The following SEC13 variants were observed in gnomAD, a reference collection of about 807,000 sequenced individuals.
SEC13 encodes SEC13 homolog, nuclear pore and COPII component, also known as protein SEC13 homolog.
A neutral mutation model predicts 49.2 loss-of-function variants in SEC13; 25 were observed. The observed-to-expected ratio is 0.51, with a 90% CI of 0.37 to 0.71. The LOEUF is 0.71. Among genes scored for constraint, SEC13 ranks in the 30% least tolerant of loss-of-function variants. The pLI is 0.00. For synonymous variants in SEC13, 148 were observed against 163.9 expected (o/e 0.90, Z 0.74); for missense variants, 383 against 417.6 (o/e 0.92, Z 0.72).
chr3:10,304,231 G>A, intron 7 of SEC13, 59 bp from the exon 8 acceptor site: 1 of 1,581,650 alleles, frequency 6.3e-7, no homozygotes, highest in Non-Finnish European at 8.7e-7. Flanking sequence ...TTTGTGATGT[G>A]ATGTCCTCCC....
intron 5 of SEC13, among the ~76,000 whole-genome samples, chr3:10,306,747 G>A (rs546532354): frequency 2.0e-5 from 3 of 152,288 alleles, no homozygotes; most frequent in South Asian, 4.1e-4. Flanking sequence ...TAGATCTGAC[G>A]ATTTTAAAAA....
chr3:10,307,630 C>G (rs1414347696), intron 5 of SEC13, among the ~76,000 whole-genome samples: 2 of 152,170 alleles, frequency 1.3e-5, no homozygotes, highest in Non-Finnish European at 2.9e-5. Flanking sequence ...TCTTGTGAGA[C>G]TTATTCACTA....
At chr3:10,302,653 A>G (rs956854676) in intron 8 of SEC13, among the ~76,000 whole-genome samples, 2 of 152,150 alleles carry the variant, frequency 1.3e-5, no homozygotes, top group Non-Finnish European at 2.9e-5. Flanking sequence ...GGGGCCTGCT[A>G]GATCTTTCTG....
chr3:10,313,291 G>T, intron 3 of SEC13: 1 of 363,388 alleles, frequency 2.8e-6, no homozygotes. Context: ...GGCTTTGTAC[G>T]GTGACCATTT....
intron 3 of SEC13, among the ~76,000 whole-genome samples, chr3:10,314,724 G>C (rs1701495207): frequency 6.6e-6 from 1 of 152,220 alleles, no homozygotes; most frequent in Non-Finnish European, 1.5e-5. Flanking sequence ...ACTTCCTCAA[G>C]AATCTCAGTA....
chr3:10,309,216 G>C lies in SEC13; in HGVS notation c.450+2749C>G, dbSNP rs190933522. On this transcript the variant is annotated intron_variant, in intron 5 of 8. Transcript: ENST00000350697. Reference sequence around the variant, plus strand: ...GCATCCCAAAGTGCTGGGATTACAGGCTGAGCCACTGCGCCCGGCTGATAT... The same window carrying C: ...GCATCCCAAAGTGCTGGGATTACAGCCTGAGCCACTGCGCCCGGCTGATAT... 1.4e-4 allele frequency among the ~76,000 whole-genome samples: 21 copies of C among 152,208 alleles called. No individual in the cohort carries two copies. The East Asian group carries it at 3.9e-3, about 28-fold the overall frequency.
At chr3:10,314,767 T>C (rs1042486388) in intron 3 of SEC13, among the ~76,000 whole-genome samples, 1 of 152,200 alleles carries the variant, frequency 6.6e-6, no homozygotes, top group African/African-American at 2.4e-5. Context: ...TTGTAAATAA[T>C]CACTGAACAC....
intron 5 of SEC13, among the ~76,000 whole-genome samples, chr3:10,307,211 CCT>C (rs1491438393): frequency 2.4e-5 from 2 of 82,504 alleles, no homozygotes; most frequent in African/African-American, 1.0e-4. Context: ...TGAGCCACTG[CCT>C]TTTTTTTTTT....
intron 1 of SEC13, among the ~76,000 whole-genome samples, chr3:10,319,873 A>AAGGGAG (rs1302019385): frequency 7.2e-5 from 2 of 27,604 alleles, no homozygotes; most frequent in Non-Finnish European, 1.3e-4. Context: ...GCGGGAGAGA[A>AAGGGAG]AGGGAGAGGG....
intron 4 of SEC13, among the ~76,000 whole-genome samples, chr3:10,312,313 G>A (rs541704374): frequency 6.6e-6 from 1 of 152,226 alleles, no homozygotes; most frequent in East Asian, 1.9e-4. Context: ...CAAAAAAGTG[G>A]GTAGGAAAAC....
intron 5 of SEC13, among the ~76,000 whole-genome samples, chr3:10,308,270 G>A (rs1290239774): frequency 6.6e-6 from 1 of 151,962 alleles, no homozygotes; most frequent in Non-Finnish European, 1.5e-5. Flanking sequence ...GGTGACCATG[G>A]GCCTGCTCAG....
At chr3:10,308,791 ATTTTT>A (rs34572074) in intron 5 of SEC13, among the ~76,000 whole-genome samples, 2 of 115,630 alleles carry the variant, frequency 1.7e-5, no homozygotes, top group African/African-American at 6.4e-5. Flanking sequence ...GCTGAGTTGA[ATTTTT>A]TTTTTTTTTT....
chr3:10,319,478 C>T (rs951322923), intron 1 of SEC13, among the ~76,000 whole-genome samples: 2 of 152,140 alleles, frequency 1.3e-5, no homozygotes, highest in Non-Finnish European at 2.9e-5. Flanking sequence ...AGAGAAAGCA[C>T]TTGCCAAAGT....
chr3:10,319,107 A>C (rs1320558575), intron 1 of SEC13: 7 of 1,572,902 alleles, frequency 4.5e-6, no homozygotes, highest in Non-Finnish European at 6.0e-6. Context: ...AGGACTTAAA[A>C]GAAGTTTCAG....
At chr3:10,305,866 A>T in intron 5 of SEC13, 174 bp from the exon 6 acceptor site, 1 of 451,256 alleles carries the variant, frequency 2.2e-6, no homozygotes, top group South Asian at 3.5e-5. Flanking sequence ...GGATCCCAAC[A>T]GTGTGTGCAT....
At chr3:10,311,702 A>G (rs1323008278) in intron 5 of SEC13, 2 of 1,344,608 alleles carry the variant, frequency 1.5e-6, no homozygotes, top group African/African-American at 2.9e-5. Flanking sequence ...AACCATAGCT[A>G]AGGTGGCAGT....
At chr3:10,310,861 A>G (rs1262914749) in intron 5 of SEC13, among the ~76,000 whole-genome samples, 1 of 152,168 alleles carries the variant, frequency 6.6e-6, no homozygotes, top group Non-Finnish European at 1.5e-5. Context: ...TTCACAATGG[A>G]GTATTATCCA....
chr3:10,304,068 G>C lies in SEC13; in HGVS notation c.813C>G (p.Ser271=). 1 of 1,614,124 alleles carries C rather than the reference G, an allele frequency of 6.2e-7. No individual in the cohort carries two copies. Among genetic ancestry groups the C allele is most frequent in the African/African-American group, 1.3e-5 (1 of 75,024 alleles). The change falls in exon 8 of 9, where the codon TCC becomes TCG. Residue 271 remains serine, a synonymous_variant. Transcript: ENST00000350697. ...FNDVVWHVSW[S]ITANILAVSG... is the part of the protein sequence containing the mutation. ...AGACAGCCAGGATGTTGGCTGTGAT[G>C]GACCAGCTCACATGCCACACCACAT...
intron 2 of SEC13, among the ~76,000 whole-genome samples, chr3:10,317,001 C>CAA (rs35597823): frequency 3.6e-3 from 272 of 74,558 alleles, no homozygotes; most frequent in African/African-American, 7.9e-3. Context: ...AACTCCATCT[C>CAA]AAAAAAAAAA....
Sources: allele counts gnomAD v4.1 joint callset (sites outside exome capture counted in the v4.1 genomes callset), GRCh38; gene constraint gnomAD v4.1.1; transcripts MANE v1.5; gene names NCBI Gene and HGNC (gene_info 2026-07-23, HGNC 2026-07-21).